PPP2R3C: variants seen among roughly 807,000 people sequenced by gnomAD.
PPP2R3C encodes serine/threonine-protein phosphatase 2A regulatory subunit B'' subunit gamma.
A neutral mutation model predicts 63.7 loss-of-function variants in PPP2R3C; 47 were observed. The ratio of observed to expected loss-of-function variants is 0.74; its 90% CI spans 0.58 to 0.94. The LOEUF (loss-of-function observed/expected upper bound fraction) is 0.94, where lower values mean the gene tolerates loss of function less well. Ranked by LOEUF, PPP2R3C falls within the 40% of genes least tolerant of loss-of-function variation. PPP2R3C has a pLI of 0.00. For synonymous variants in PPP2R3C, 180 were observed against 177.4 expected (o/e 1.01, Z -0.12); for missense variants, 421 against 518.4 (o/e 0.81, Z 1.82).
chr14:35,118,126 A>G (rs925830870), intron 1 of PPP2R3C, among the ~76,000 whole-genome samples: 1 of 152,234 alleles, frequency 6.6e-6, no homozygotes, highest in Admixed American at 6.5e-5. Context: ...AGTTAACAAT[A>G]TAGCAGTCAC....
At chr14:35,106,019 G>T (rs71421926) in intron 6 of PPP2R3C, among the ~76,000 whole-genome samples, 31,347 of 150,860 alleles carry the variant, frequency 0.21, 3,893 homozygotes, top group Non-Finnish European at 0.29. Context: ...ATTTTTTTTT[G>T]TATTTTTAGT....
At chr14:35,119,849 C>CTCTTT (rs2046812866) in intron 1 of PPP2R3C, among the ~76,000 whole-genome samples, 2 of 117,016 alleles carry the variant, frequency 1.7e-5, no homozygotes, top group African/African-American at 6.8e-5. Flanking sequence ...GACAGTTCAT[C>CTCTTT]TTTTTTTTTT....
At chr14:35,109,199 G>A (rs1342605622) in intron 4 of PPP2R3C, among the ~76,000 whole-genome samples, 5 of 151,816 alleles carry the variant, frequency 3.3e-5, no homozygotes, top group Admixed American at 6.6e-5. Flanking sequence ...TGGGATTACA[G>A]GCACACGCCA....
chr14:35,106,281 G>A (rs928915989), intron 6 of PPP2R3C: 30 of 152,270 alleles, frequency 2.0e-4, no homozygotes, highest in African/African-American at 6.8e-4. Context: ...CCTTTGGCAT[G>A]TTTAATTGTG....
chr14:35,115,855 C>T (rs2046695476), intron 2 of PPP2R3C, among the ~76,000 whole-genome samples: 1 of 152,140 alleles, frequency 6.6e-6, no homozygotes, highest in East Asian at 1.9e-4. Flanking sequence ...CTCCTGACCT[C>T]ATGATCCACC....
In PPP2R3C at chr14:35,099,245, C is replaced by T; in HGVS notation, c.706+7G>A. ...TAATATCTAAGTTAGATAAGATTTT[C>T]TTTTACCTGTTCTTAAAGGATCTAA... On this transcript the variant is annotated splice_region_variant and intron_variant, in intron 7 of 12. Coordinates refer to ENST00000261475, the MANE Select transcript of PPP2R3C (RefSeq NM_017917.4). 6.4e-7 allele frequency: 1 copy of T among 1,555,968 alleles called. No homozygotes were observed. The highest frequency in any genetic ancestry group is 8.6e-7 in the Non-Finnish European group (1 of 1,160,246).
chr14:35,106,643 C>A (rs1595110159), intron 6 of PPP2R3C, among the ~76,000 whole-genome samples: 1 of 146,178 alleles, frequency 6.8e-6, no homozygotes, highest in Admixed American at 7.1e-5. Flanking sequence ...CAGGCGTGAG[C>A]CACTGCACCC....
At chr14:35,091,358 A>T in intron 10 of PPP2R3C, 151 bp from the exon 11 acceptor site, 1 of 728,976 alleles carries the variant, frequency 1.4e-6, no homozygotes, top group Non-Finnish European at 2.1e-6. Flanking sequence ...TATATACTTA[A>T]TATTGGTTTC....
Position 35,115,146 on chromosome 14 carries a change from G to C in PPP2R3C, c.186+1464C>G, listed in dbSNP as rs188508061. Among the ~76,000 whole-genome samples, 34 of 148,932 alleles carry C rather than the reference G, an allele frequency of 2.3e-4. No individual in the cohort carries two copies. The East Asian group carries it at 6.4e-3, about 28-fold the overall frequency. ...GCCCTACCATTGCCAGGTTGTAAAC[G>C]GCTTTTTTTTTTTTCTTTTTCTTTT... On this transcript the variant is annotated intron_variant, in intron 2 of 12. Coordinates refer to ENST00000261475, the MANE Select transcript of PPP2R3C (RefSeq NM_017917.4).
chr14:35,097,790 G>A (rs2046046751), intron 7 of PPP2R3C, among the ~76,000 whole-genome samples: 1 of 151,798 alleles, frequency 6.6e-6, no homozygotes, highest in Non-Finnish European at 1.5e-5. Context: ...GGCTGCTGCT[G>A]CTTTTTTGTA....
chr14:35,095,889 A>G (rs1306297791), intron 9 of PPP2R3C, among the ~76,000 whole-genome samples: 1 of 151,668 alleles, frequency 6.6e-6, no homozygotes, highest in African/African-American at 2.4e-5. Context: ...AGGAGTCAAA[A>G]GACCACCCAA....
At chr14:35,117,210 C>T (rs1000818766) in intron 1 of PPP2R3C, 1 of 454,966 alleles carries the variant, frequency 2.2e-6, no homozygotes, top group Non-Finnish European at 4.4e-6. Context: ...AAAACTCATC[C>T]TCTGTCTGAA....
At position 35,108,131 on chromosome 14, in the gene PPP2R3C, T is replaced by C. The variant is rs777944739; in HGVS notation, c.502+8A>G. 1.2e-6 allele frequency: 2 copies of C among 1,607,402 alleles called. No homozygotes were observed. Among genetic ancestry groups the C allele is most frequent in the Middle Eastern group, 1.7e-4 (1 of 6,038 alleles). On this transcript the variant is annotated splice_region_variant and intron_variant, in intron 5 of 12. Transcript: ENST00000261475. ...ATAAGGAGTTCAAGCACAGTAAAAA[T>C]GAATCACCTTTTCTCATGACATAAT...
Position 35,096,577 on chromosome 14 carries a change from AG to A in PPP2R3C, c.818del (p.Pro273LeufsTer4), listed in dbSNP as rs751141185. 3.5e-5 allele frequency: 57 copies of A among 1,613,470 alleles called. No individual in the cohort carries two copies. The highest frequency in any genetic ancestry group is 4.6e-5 in the Non-Finnish European group (54 of 1,179,502). ...ACATACCATAAACTCTTAGGGCAGA[AG>A]GAGCAGAAAACCAATTTGTTTCTTG... The part of the protein sequence containing the change: ...ESQETNWFSA[P>X]SALRVYGQYL... On this transcript the variant is annotated frameshift_variant, in exon 9 of 13. Coordinates refer to ENST00000261475, the MANE Select transcript of PPP2R3C (RefSeq NM_017917.4). LOFTEE classifies it high-confidence loss of function.
chr14:35,116,006 T>C (rs983472341), intron 2 of PPP2R3C, among the ~76,000 whole-genome samples: 1 of 152,248 alleles, frequency 6.6e-6, no homozygotes, highest in African/African-American at 2.4e-5. Flanking sequence ...ACAAAGTGTA[T>C]ACCTGATAAC....
At chr14:35,094,661 C>A (rs552898295) in intron 10 of PPP2R3C, among the ~76,000 whole-genome samples, 4 of 142,646 alleles carry the variant, frequency 2.8e-5, no homozygotes, top group African/African-American at 1.1e-4. Context: ...CACTGTTACA[C>A]AGTGATATCA....
chr14:35,098,529 T>C (rs1224866455), intron 7 of PPP2R3C: 1 of 151,766 alleles, frequency 6.6e-6, no homozygotes, highest in African/African-American at 2.4e-5. Context: ...GTATTTTTTT[T>C]GTAGAGAAAA....
Position 35,095,092 on chromosome 14 carries a change from A to G in PPP2R3C, c.931T>C (p.Leu311=). ...YGTATMTNVF[L]DRVFQECLTY... is the part of the protein sequence containing the mutation. ...AGACACTCCTGGAAAACACGGTCTAAGAAGACATTGGTCATGGTAGCTGTT... is the reference window on the plus strand; with the variant it reads ...AGACACTCCTGGAAAACACGGTCTAGGAAGACATTGGTCATGGTAGCTGTT... The change falls in exon 10 of 13, where the codon TTA becomes CTA. Residue 311 remains leucine (L), a synonymous_variant. Transcript: ENST00000261475. 1.2e-6 allele frequency: 2 copies of G among 1,608,470 alleles called. No homozygotes were observed. Among genetic ancestry groups the G allele is most frequent in the Admixed American group, 3.3e-5 (2 of 60,016 alleles).
intron 6 of PPP2R3C, chr14:35,102,239 G>C (rs947776650): frequency 1.3e-5 from 2 of 152,158 alleles, no homozygotes; most frequent in Admixed American, 6.6e-5. Context: ...GGCCAGGCTG[G>C]TCTCGAACTC....
Sources: gnomAD v4.1 joint callset for allele counts (sites outside exome capture counted in the v4.1 genomes callset) on GRCh38, gnomAD v4.1.1 for gene constraint, MANE v1.5 for transcripts, NCBI Gene and HGNC (gene_info 2026-07-23, HGNC 2026-07-21) for gene names.